LRRTM3: variants seen among roughly 807,000 people sequenced by gnomAD.
LRRTM3 encodes the protein leucine-rich repeat transmembrane neuronal protein 3.
In LRRTM3, 24 loss-of-function variants were observed where a neutral mutation model predicts 44.7. The observed-to-expected ratio is 0.54, with a 90% CI of 0.39 to 0.76. LRRTM3 has a LOEUF of 0.76. Ranked by LOEUF, LRRTM3 falls within the 30% of genes least tolerant of loss-of-function variation. The pLI is 0.00. For missense variants in LRRTM3, 587 were observed against 702.2 expected (o/e 0.84, Z 1.85); for synonymous variants, 277 against 278.7 (o/e 0.99, Z 0.06).
At chr10:66,991,754 G>C (rs1252494291) in intron 2 of LRRTM3, among the ~76,000 whole-genome samples, 2 of 152,126 alleles carry the variant, frequency 1.3e-5, no homozygotes, top group Admixed American at 6.6e-5. Context: ...AGAACTCTGT[G>C]CTGTTTAAAC....
chr10:66,965,774 G>A (rs1849381898), intron 2 of LRRTM3, among the ~76,000 whole-genome samples: 1 of 151,946 alleles, frequency 6.6e-6, no homozygotes, highest in South Asian at 2.1e-4. Context: ...TGTTTCAAAG[G>A]ATACTTGATA....
intron 2 of LRRTM3, among the ~76,000 whole-genome samples, chr10:66,931,737 T>C (rs1235560060): frequency 6.6e-6 from 1 of 152,204 alleles, no homozygotes; most frequent in Non-Finnish European, 1.5e-5. Flanking sequence ...TCATTTTGAC[T>C]TTTATAGTAA....
At chr10:66,998,603 G>A (rs1474025391) in intron 2 of LRRTM3, among the ~76,000 whole-genome samples, 2 of 152,062 alleles carry the variant, frequency 1.3e-5, no homozygotes, top group African/African-American at 2.4e-5. Context: ...GGCAAAAAAG[G>A]CACATTGGAA....
intron 2 of LRRTM3, among the ~76,000 whole-genome samples, chr10:67,046,215 C>A (rs1854734058): frequency 6.6e-6 from 1 of 152,136 alleles, no homozygotes; most frequent in Non-Finnish European, 1.5e-5. Flanking sequence ...AATTTAAAGA[C>A]CCCGTGTCAT....
At chr10:67,041,210 C>A (rs1188978180) in intron 2 of LRRTM3, among the ~76,000 whole-genome samples, 1 of 152,022 alleles carries the variant, frequency 6.6e-6, no homozygotes, top group Non-Finnish European at 1.5e-5. Flanking sequence ...TCAAACTTGT[C>A]AGAATAGATT....
chr10:66,932,301 C>G (rs1847447840), intron 2 of LRRTM3, among the ~76,000 whole-genome samples: 1 of 152,150 alleles, frequency 6.6e-6, no homozygotes, highest in African/African-American at 2.4e-5. Flanking sequence ...CTCTTCTTCC[C>G]TTGACATTTA....
At position 67,018,873 on chromosome 10, in the gene LRRTM3, T is replaced by C. The variant is rs184139704; in HGVS notation, c.1537-78714T>C. Among the ~76,000 whole-genome samples, 598 of 152,342 alleles carry C rather than the reference T, an allele frequency of 3.9e-3. 8 individuals carry two copies. The highest frequency in any genetic ancestry group is 0.014 in the African/African-American group (562 of 41,584). On this transcript the variant is annotated intron_variant, in intron 2 of 2. Coordinates refer to ENST00000361320, the MANE Select transcript of LRRTM3 (RefSeq NM_178011.5). ...TCAGTGTATAAGAGACGCCAGTCAA[T>C]GTGTTTTGCAGATGAAATGGAAAAC... is the stretch of plus-strand genomic sequence containing the variant.
At chr10:67,080,841 A>G (rs10733834) in intron 2 of LRRTM3, among the ~76,000 whole-genome samples, 95,723 of 151,408 alleles carry the variant, frequency 0.63, 31,795 homozygotes, top group African/African-American at 0.85. Context: ...CCCGGGAGGC[A>G]GAGCTTGCAG....
intron 2 of LRRTM3, among the ~76,000 whole-genome samples, chr10:67,017,673 A>G (rs2073058962): frequency 6.6e-6 from 1 of 152,146 alleles, no homozygotes; most frequent in Non-Finnish European, 1.5e-5. Flanking sequence ...CTTACAGGAC[A>G]GTTAGTAGGT....
rs559400716 is a variant in LRRTM3 at position 67,059,669 on chromosome 10, A to G, written c.1537-37918A>G. Among the ~76,000 whole-genome samples the G allele has an allele frequency of 1.3e-4, 20 of 152,222 alleles. No individual in the cohort carries two copies. In the East Asian group the frequency reaches 3.7e-3, roughly 28 times the overall value. The stretch of plus-strand genomic sequence containing the variant: ...AAGTAAATCTGTCTTCTGATGGTCA[A>G]GTGATGGTTTCCCTGAACATCCAAA... On this transcript the variant is annotated intron_variant, in intron 2 of 2. Coordinates refer to ENST00000361320, the MANE Select transcript of LRRTM3 (RefSeq NM_178011.5).
chr10:67,019,157 A>C lies in LRRTM3; in HGVS notation c.1537-78430A>C, dbSNP rs543447664. The stretch of plus-strand genomic sequence containing the variant: ...TACAACAGGATATCAATACTACCTC[A>C]TAAATATGGGTTACTTCACATTTGA... On this transcript the variant is annotated intron_variant, in intron 2 of 2. Transcript: ENST00000361320. 3.9e-5 allele frequency among the ~76,000 whole-genome samples: 6 copies of C among 152,352 alleles called. No individual in the cohort carries two copies. In the South Asian group the frequency reaches 1.2e-3, roughly 32 times the overall value.
At chr10:66,950,877 G>A (rs1298243948) in intron 2 of LRRTM3, among the ~76,000 whole-genome samples, 1 of 152,118 alleles carries the variant, frequency 6.6e-6, no homozygotes, top group Non-Finnish European at 1.5e-5. Flanking sequence ...CATTTTATAG[G>A]TAAAGAAATT....
chr10:67,097,745 C>T lies in LRRTM3; in HGVS notation c.1695C>T (p.Ser565=), dbSNP rs752980248. 1 of 1,612,526 alleles carries T rather than the reference C, an allele frequency of 6.2e-7. No homozygotes were observed. The change falls in exon 3 of 3, where the codon AGC becomes AGT. Residue 565 remains serine, a synonymous_variant. Transcript: ENST00000361320. ...ETHLETELDL[S]TITTAGRISD... ...ACCTAGAGACTGAGCTGGACCTGAGCACAATCACAACAGCTGGCCGAATCA... is the reference window on the plus strand; with the variant it reads ...ACCTAGAGACTGAGCTGGACCTGAGTACAATCACAACAGCTGGCCGAATCA...
At chr10:67,062,687 C>T (rs990322370) in intron 2 of LRRTM3, among the ~76,000 whole-genome samples, 2 of 152,108 alleles carry the variant, frequency 1.3e-5, no homozygotes, top group African/African-American at 4.8e-5. Flanking sequence ...CATCTCTGCC[C>T]CCTTATACAC....
chr10:66,983,734 T>A (rs1371191559), intron 2 of LRRTM3, among the ~76,000 whole-genome samples: 1 of 152,188 alleles, frequency 6.6e-6, no homozygotes, highest in African/African-American at 2.4e-5. Flanking sequence ...AATTATCCCA[T>A]GATACAGTTT....
intron 2 of LRRTM3, among the ~76,000 whole-genome samples, chr10:67,002,104 C>T (rs367645781): frequency 9.9e-5 from 15 of 152,100 alleles, no homozygotes; most frequent in Admixed American, 5.9e-4. Flanking sequence ...AAAATGAGAT[C>T]GTTGGATTCA....
chr10:66,970,285 TAC>T (rs1453008410), intron 2 of LRRTM3, among the ~76,000 whole-genome samples: 8 of 152,308 alleles, frequency 5.3e-5, no homozygotes, highest in African/African-American at 1.9e-4. Context: ...GGGATTTCTT[TAC>T]AGTTACTCTG....
At position 66,942,133 on chromosome 10, in the gene LRRTM3, T is replaced by C. The variant is rs78037442; in HGVS notation, c.1536+13681T>C. ...AGGATAAATTGAGATAACATATGTT[T>C]GCAGGCACAGCAGGTGTCAGTAAAA... On this transcript the variant is annotated intron_variant, in intron 2 of 2. Coordinates refer to ENST00000361320, the MANE Select transcript of LRRTM3 (RefSeq NM_178011.5). Among the ~76,000 whole-genome samples the C allele has an allele frequency of 7.4e-3, 1,132 of 152,300 alleles. 19 individuals carry two copies. The highest frequency in any genetic ancestry group is 0.026 in the African/African-American group (1,080 of 41,568).
chr10:67,022,524 G>A (rs946713782), intron 2 of LRRTM3, among the ~76,000 whole-genome samples: 12 of 152,238 alleles, frequency 7.9e-5, no homozygotes, highest in Middle Eastern at 3.4e-3. Flanking sequence ...ATGGCAGGAA[G>A]GTCATGAATT....
Sources: allele counts gnomAD v4.1 joint callset (sites outside exome capture counted in the v4.1 genomes callset), GRCh38; gene constraint gnomAD v4.1.1; transcripts MANE v1.5; gene names NCBI Gene and HGNC (gene_info 2026-07-23, HGNC 2026-07-21).